PTPRD: variants seen among roughly 807,000 people sequenced by gnomAD.
PTPRD encodes the protein protein tyrosine phosphatase receptor type D.
Under a neutral mutation model 214.5 loss-of-function variants are expected in PTPRD, and 34 were observed. That is an observed-to-expected ratio of 0.16 (90% CI 0.12 to 0.21). The LOEUF (loss-of-function observed/expected upper bound fraction) is 0.21. Ranked by LOEUF, PTPRD falls within the 10% of genes least tolerant of loss-of-function variation. PTPRD has a pLI of 1.00. For missense variants in PTPRD, 2,545 were observed against 2,398.7 expected (o/e 1.06, Z -1.27); for synonymous variants, 1,128 against 845.7 (o/e 1.33, Z -5.79).
intron 2 of PTPRD, among the ~76,000 whole-genome samples, chr9:10,372,995 G>A (rs1184690015): frequency 2.0e-5 from 3 of 151,386 alleles, no homozygotes; most frequent in Non-Finnish European, 4.4e-5. Flanking sequence ...ACCATGCCCA[G>A]CTAATTTTTG....
At chr9:10,324,391 T>C (rs1225230338) in intron 3 of PTPRD, among the ~76,000 whole-genome samples, 3 of 152,076 alleles carry the variant, frequency 2.0e-5, no homozygotes, top group Non-Finnish European at 4.4e-5. Flanking sequence ...TTATTCATTA[T>C]TGATGCAGAA....
At chr9:9,579,415 G>A (rs953325175) in intron 7 of PTPRD, among the ~76,000 whole-genome samples, 2 of 152,058 alleles carry the variant, frequency 1.3e-5, no homozygotes, top group African/African-American at 4.8e-5. Context: ...TAATATAGTT[G>A]AGTTTTTAAA....
chr9:10,080,873 A>T (rs1012384909), intron 3 of PTPRD, among the ~76,000 whole-genome samples: 1 of 152,244 alleles, frequency 6.6e-6, no homozygotes, highest in South Asian at 2.1e-4. Context: ...TGAATATTCT[A>T]AAAACATTAC....
chr9:8,485,404 CT>C, intron 28 of PTPRD, 80 bp from the exon 29 acceptor site: 1 of 948,632 alleles, frequency 1.1e-6, no homozygotes, highest in Non-Finnish European at 1.7e-6. Context: ...ACCATAGGGG[CT>C]TATGCTAGAT....
chr9:9,127,304 G>A (rs1405630986), intron 10 of PTPRD, among the ~76,000 whole-genome samples: 2 of 152,156 alleles, frequency 1.3e-5, no homozygotes, highest in Admixed American at 1.3e-4. Context: ...ATGTTATAAT[G>A]AAACAACGTT....
chr9:10,280,453 T>C (rs763587621), intron 3 of PTPRD, among the ~76,000 whole-genome samples: 1 of 151,992 alleles, frequency 6.6e-6, no homozygotes, highest in African/African-American at 2.4e-5. Context: ...TCAGAATGAT[T>C]AGAGTAATAA....
chr9:9,260,709 G>T (rs1048028698), intron 9 of PTPRD, among the ~76,000 whole-genome samples: 1 of 151,920 alleles, frequency 6.6e-6, no homozygotes, highest in Admixed American at 6.6e-5. Flanking sequence ...ATATTTATTG[G>T]AAACTTCAAT....
In PTPRD at chr9:8,955,153, T is replaced by C. The variant is rs934812739; in HGVS notation, c.-104+63544A>G. ...GGGATATAATAATACTCTTAAAAAATATGAAGAGCTAATATTAGGAAAATG... is the reference window on the plus strand; with the variant it reads ...GGGATATAATAATACTCTTAAAAAACATGAAGAGCTAATATTAGGAAAATG... On this transcript the variant is annotated intron_variant, in intron 11 of 45. Coordinates refer to ENST00000381196, the MANE Select transcript of PTPRD (RefSeq NM_002839.4). Among the ~76,000 whole-genome samples, 8 of 151,996 alleles carry C rather than the reference T, an allele frequency of 5.3e-5. No individual in the cohort carries two copies. The South Asian group carries it at 6.2e-4, about 12-fold the overall frequency.
At chr9:10,549,097 C>A (rs1028226923) in intron 2 of PTPRD, among the ~76,000 whole-genome samples, 30 of 152,124 alleles carry the variant, frequency 2.0e-4, no homozygotes, top group African/African-American at 5.8e-4. Flanking sequence ...AACTTATAGA[C>A]ACTTTGTCTT....
intron 9 of PTPRD, among the ~76,000 whole-genome samples, chr9:9,194,103 T>C (rs10977560): frequency 0.21 from 31,329 of 151,928 alleles, 4,093 homozygotes; most frequent in Non-Finnish European, 0.3. Flanking sequence ...AACACACATA[T>C]TAGCCTAGGT....
intron 11 of PTPRD, among the ~76,000 whole-genome samples, chr9:8,813,359 A>C (rs943185368): frequency 2.0e-5 from 3 of 152,180 alleles, no homozygotes; most frequent in Non-Finnish European, 4.4e-5. Context: ...AGTTTGAAAA[A>C]GAAGCTACAA....
chr9:8,376,734 A>C lies in PTPRD; in HGVS notation c.4387-8T>G, dbSNP rs760007436. Reference sequence around the variant, plus strand: ...ATACTGGTCACACTTCACCTACAAGAAACAAGTGACACATTCAGGGCAAAT... The same window carrying C: ...ATACTGGTCACACTTCACCTACAAGCAACAAGTGACACATTCAGGGCAAAT... On this transcript the variant is annotated splice_region_variant and splice_polypyrimidine_tract_variant and intron_variant, in intron 37 of 45. Transcript: ENST00000381196. The C allele has an allele frequency of 6.2e-7, 1 of 1,612,488 alleles. No homozygotes were observed. Among genetic ancestry groups the C allele is most frequent in the Non-Finnish European group, 8.5e-7 (1 of 1,179,060 alleles).
chr9:9,091,068 C>G (rs566178806), intron 10 of PTPRD: 6 of 1,495,162 alleles, frequency 4.0e-6, no homozygotes, highest in Middle Eastern at 4.0e-4. Flanking sequence ...CTGAAGCGAG[C>G]GTCTTCGATG....
intron 35 of PTPRD, among the ~76,000 whole-genome samples, chr9:8,416,235 A>G (rs938654630): frequency 2.6e-5 from 4 of 152,214 alleles, no homozygotes; most frequent in Non-Finnish European, 1.5e-5. Context: ...TTACTGTTAA[A>G]GAAAAAACAT....
intron 14 of PTPRD, among the ~76,000 whole-genome samples, chr9:8,561,859 T>C (rs1198214018): frequency 6.6e-6 from 1 of 151,968 alleles, no homozygotes; most frequent in Non-Finnish European, 1.5e-5. Context: ...TTTAGTGATC[T>C]AAATGTTTCC....
At chr9:8,441,316 G>C (rs542021305) in intron 34 of PTPRD, among the ~76,000 whole-genome samples, 36 of 151,906 alleles carry the variant, frequency 2.4e-4, no homozygotes, top group Admixed American at 2.0e-4. Flanking sequence ...GTACACATTG[G>C]GGGGCTTCTG....
chr9:8,580,212 T>C (rs942353462), intron 14 of PTPRD, among the ~76,000 whole-genome samples: 4 of 152,078 alleles, frequency 2.6e-5, no homozygotes, highest in Admixed American at 1.3e-4. Flanking sequence ...TTTGGAAAGA[T>C]AAAGGAACAA....
At chr9:9,738,135 G>C (rs1243343067) in intron 6 of PTPRD, among the ~76,000 whole-genome samples, 1 of 152,132 alleles carries the variant, frequency 6.6e-6, no homozygotes, top group Non-Finnish European at 1.5e-5. Flanking sequence ...ATAGCATTAG[G>C]AGATATACCT....
Position 9,787,772 on chromosome 9 carries a change from T to TTTATTATTATTATTATTA in PTPRD, c.-367-20939_-367-20922dup, listed in dbSNP as rs373362978. ...CTGAACAACGTATATCAATTTTTTA[T>TTTATTATTATTATTATTA]TTATTATTATTATTATTATTATTAT... On this transcript the variant is annotated intron_variant, in intron 5 of 45. Transcript: ENST00000381196. Among the ~76,000 whole-genome samples the TTTATTATTATTATTATTA allele has an allele frequency of 1.7e-3, 253 of 149,132 alleles. 4 individuals are homozygous for TTTATTATTATTATTATTA. Among genetic ancestry groups the TTTATTATTATTATTATTA allele is most frequent in the South Asian group, 0.014 (67 of 4,646 alleles).
Sources: gnomAD v4.1 joint callset for allele counts (sites outside exome capture counted in the v4.1 genomes callset) on GRCh38, gnomAD v4.1.1 for gene constraint, MANE v1.5 for transcripts, NCBI Gene and HGNC (gene_info 2026-07-23, HGNC 2026-07-21) for gene names.